Variants in OSBPL6 observed in about 807,000 individuals in gnomAD.
The protein encoded by OSBPL6 is oxysterol binding protein like 6, also known as oxysterol-binding protein-related protein 6.
Under a neutral mutation model 125.8 loss-of-function variants are expected in OSBPL6, and 49 were observed. The ratio of observed to expected loss-of-function variants is 0.39; its 90% confidence interval spans 0.31 to 0.49. OSBPL6 has a LOEUF of 0.49. OSBPL6 is among the 20% of genes least tolerant of loss of function. The probability of loss-of-function intolerance (pLI) is 0.88; values close to 1 mark genes in which losing one functional copy is unlikely to be tolerated. For synonymous variants in OSBPL6, 394 were observed against 391.8 expected (o/e 1.01, Z -0.07); for missense variants, 986 against 1,135.4 (o/e 0.87, Z 1.89).
At chr2:178,378,158 C>A (rs1421354471) in intron 15 of OSBPL6, among the ~76,000 whole-genome samples, 1 of 152,092 alleles carries the variant, frequency 6.6e-6, no homozygotes, top group African/African-American at 2.4e-5. Context: ...CCTCTTTCCT[C>A]ATTTTTTTTC....
intron 1 of OSBPL6, among the ~76,000 whole-genome samples, chr2:178,208,101 A>G (rs536756805): frequency 6.6e-6 from 1 of 152,146 alleles, no homozygotes; most frequent in Non-Finnish European, 1.5e-5. Context: ...CCTGGCCAAC[A>G]TGGTGAAACC....
chr2:178,223,488 GTA>G (rs1276107477), intron 1 of OSBPL6, among the ~76,000 whole-genome samples: 1 of 152,184 alleles, frequency 6.6e-6, no homozygotes, highest in African/African-American at 2.4e-5. Flanking sequence ...GTGGGTATAT[GTA>G]TATCTTTCGA....
chr2:178,214,477 T>C (rs1198197159), intron 1 of OSBPL6, among the ~76,000 whole-genome samples: 1 of 152,238 alleles, frequency 6.6e-6, no homozygotes, highest in Non-Finnish European at 1.5e-5. Flanking sequence ...TAGGACAGGC[T>C]GTCTGGACGA....
chr2:178,240,501 G>A (rs1245418196), intron 1 of OSBPL6, among the ~76,000 whole-genome samples: 4 of 152,168 alleles, frequency 2.6e-5, no homozygotes, highest in Admixed American at 6.5e-5. Flanking sequence ...CCAGGAGATG[G>A]AGGTTGCAGT....
chr2:178,399,998 C>T lies in OSBPL6; in HGVS notation c.*4439C>T, dbSNP rs1331294410. ...AATTTTTTTTTCTAGCCATTCCTTC[C>T]TCCCAAATAGAAGTGAGGGCAATTG... On this transcript the variant is annotated 3_prime_UTR_variant, in exon 25 of 25. Coordinates refer to ENST00000190611, the MANE Select transcript of OSBPL6 (RefSeq NM_032523.4). 1.3e-5 allele frequency: 2 copies of T among 152,042 alleles called. No individual in the cohort carries two copies. Among genetic ancestry groups the T allele is most frequent in the African/African-American group, 4.8e-5 (2 of 41,386 alleles). 9.4% of individuals were successfully genotyped at this position (152,042 alleles called of 1,614,324 possible). A position where few individuals can be genotyped will look rare whatever the true frequency, so the allele number is the denominator to read the frequency against.
intron 1 of OSBPL6, among the ~76,000 whole-genome samples, chr2:178,222,334 A>T (rs2090372651): frequency 6.6e-6 from 1 of 152,148 alleles, no homozygotes; most frequent in Non-Finnish European, 1.5e-5. Context: ...GCCCAAAACA[A>T]AGGTTTGCTG....
chr2:178,375,390 A>G (rs966559851), intron 15 of OSBPL6, among the ~76,000 whole-genome samples: 1 of 151,500 alleles, frequency 6.6e-6, no homozygotes, highest in Non-Finnish European at 1.5e-5. Context: ...CCCATCCTTC[A>G]TCCTTCTTTT....
At chr2:178,384,209 A>G (rs759453111) in intron 18 of OSBPL6, 33 bp downstream of exon 18, 2 of 1,605,384 alleles carry the variant, frequency 1.2e-6, no homozygotes, top group South Asian at 1.1e-5. Context: ...AGGTTTCTAT[A>G]TAGGTAAGAG....
chr2:178,247,480 T>G (rs954785996), intron 1 of OSBPL6, among the ~76,000 whole-genome samples: 1 of 152,218 alleles, frequency 6.6e-6, no homozygotes, highest in South Asian at 2.1e-4. Flanking sequence ...GGCACTCTTC[T>G]TGGTTTAGGA....
At chr2:178,340,260 A>G (rs914560776) in intron 11 of OSBPL6, among the ~76,000 whole-genome samples, 2 of 152,080 alleles carry the variant, frequency 1.3e-5, no homozygotes, top group Non-Finnish European at 2.9e-5. Flanking sequence ...AATTTCGTAC[A>G]TTTCTGTTAA....
At chr2:178,334,194 A>G (rs1255019142) in intron 8 of OSBPL6, among the ~76,000 whole-genome samples, 1 of 152,192 alleles carries the variant, frequency 6.6e-6, no homozygotes, top group Non-Finnish European at 1.5e-5. Flanking sequence ...GCCCCACTGC[A>G]CTGCGCAGGG....
At chr2:178,380,775 G>A (rs1169165392) in intron 15 of OSBPL6, among the ~76,000 whole-genome samples, 1 of 152,110 alleles carries the variant, frequency 6.6e-6, no homozygotes, top group East Asian at 1.9e-4. Flanking sequence ...CCTATATGCT[G>A]GTTAAATTCC....
In OSBPL6 at chr2:178,389,030, G is replaced by C; in HGVS notation, c.2178G>C (p.Trp726Cys). 1 of 1,613,870 alleles carries C rather than the reference G, an allele frequency of 6.2e-7. No individual in the cohort carries two copies. The highest frequency in any genetic ancestry group is 8.5e-7 in the Non-Finnish European group (1 of 1,179,936). Residue 726 changes from tryptophan (W) to cysteine (C), a missense_variant, in exon 21 of 25, where the codon TGG (tryptophan) becomes TGC (cysteine). By Grantham distance (215) the Trp-to-Cys change is radical (BLOSUM62 -2). This residue lies in a region of OSBPL6 where 843 missense variants were observed against 997.3 expected (regional missense o/e 0.85). Coordinates refer to ENST00000190611, the MANE Select transcript of OSBPL6 (RefSeq NM_032523.4). Reference sequence around the variant, plus strand: ...CTAGGTATGGAGATTACTATGTGTGGAATAAAGTCACCACTTGCATACACA... The same window carrying C: ...CTAGGTATGGAGATTACTATGTGTGCAATAAAGTCACCACTTGCATACACA... ...MLPKYGDYYVWNKVTTCIHNI... is the reference protein window; with the variant it reads ...MLPKYGDYYVCNKVTTCIHNI...
At chr2:178,226,564 T>C (rs1040465183) in intron 1 of OSBPL6, among the ~76,000 whole-genome samples, 2 of 152,212 alleles carry the variant, frequency 1.3e-5, no homozygotes, top group South Asian at 2.1e-4. Flanking sequence ...TAATCCTTTT[T>C]ATAGGAGCTG....
chr2:178,254,263 G>A (rs2091803382), intron 1 of OSBPL6, among the ~76,000 whole-genome samples: 1 of 152,134 alleles, frequency 6.6e-6, no homozygotes, highest in African/African-American at 2.4e-5. Flanking sequence ...CGTGGTGGTA[G>A]GCACCTGTAA....
intron 14 of OSBPL6, among the ~76,000 whole-genome samples, chr2:178,372,759 C>G (rs984736972): frequency 1.3e-5 from 2 of 152,130 alleles, no homozygotes; most frequent in Non-Finnish European, 2.9e-5. Context: ...TTACTATGTG[C>G]TAGGTATTGT....
intron 13 of OSBPL6, among the ~76,000 whole-genome samples, chr2:178,366,426 T>C (rs141738341): frequency 3.2e-4 from 49 of 152,312 alleles, no homozygotes; most frequent in African/African-American, 1.2e-3. Context: ...AATAACGGAA[T>C]ATGACCCATC....
intron 1 of OSBPL6, among the ~76,000 whole-genome samples, chr2:178,198,820 T>C (rs967514100): frequency 6.6e-6 from 1 of 152,144 alleles, no homozygotes; most frequent in Non-Finnish European, 1.5e-5. Flanking sequence ...TCACCACATA[T>C]TGCCAGCAAT....
At chr2:178,263,836 T>TGTGC (rs1553537216) in intron 1 of OSBPL6, among the ~76,000 whole-genome samples, 20 of 151,160 alleles carry the variant, frequency 1.3e-4, no homozygotes, top group African/African-American at 4.4e-4. Flanking sequence ...TGTGTGTGTG[T>TGTGC]GCGTGTACAC....
Sources: gnomAD v4.1 joint callset for allele counts (sites outside exome capture counted in the v4.1 genomes callset) on GRCh38, gnomAD v4.1.1 for gene constraint, gnomAD v4.1.1 regional missense constraint, MANE v1.5 for transcripts, NCBI Gene and HGNC (gene_info 2026-07-23, HGNC 2026-07-21) for gene names.